DOCK3: variants seen among roughly 807,000 people sequenced by gnomAD.
DOCK3 encodes the protein dedicator of cytokinesis protein 3.
DOCK3 carries 60 observed loss-of-function variants against 265.6 expected under a neutral mutation model. The ratio of observed to expected loss-of-function variants is 0.23; its 90% CI spans 0.18 to 0.28. The LOEUF is 0.28. DOCK3 is among the 10% of genes least tolerant of loss of function. The pLI is 1.00. For missense variants in DOCK3, 1,981 were observed against 2,594.3 expected, an observed-to-expected ratio of 0.76 and a Z score of 5.14; for synonymous variants, 881 against 938.0, an observed-to-expected ratio of 0.94 and a Z score of 1.11.
intron 27 of DOCK3, among the ~76,000 whole-genome samples, chr3:51,289,614 G>A (rs4557148): frequency 0.84 from 127,789 of 151,992 alleles, 54,355 homozygotes; most frequent in Middle Eastern, 0.9. Context: ...ATCAAAAGAC[G>A]TGGAGTTCCT....
Position 51,277,023 on chromosome 3 carries a change from A to T in DOCK3, c.2677-585A>T, listed in dbSNP as rs528855519. Among the ~76,000 whole-genome samples, 3 of 152,302 alleles carry T rather than the reference A, an allele frequency of 2.0e-5. No homozygotes were observed. The South Asian group carries it at 6.2e-4, about 32-fold the overall frequency. On this transcript the variant is annotated intron_variant, in intron 25 of 52. Coordinates refer to ENST00000266037, the MANE Select transcript of DOCK3 (RefSeq NM_004947.5). ...TCCTTCAAATGGACCCTGTAACACG[A>T]GCAAGAGAGCTGAGGAGCTAGAAGT...
chr3:51,157,117 C>G (rs2085887111), intron 10 of DOCK3, among the ~76,000 whole-genome samples: 1 of 151,236 alleles, frequency 6.6e-6, no homozygotes, highest in African/African-American at 2.4e-5. Context: ...ACACAACTTT[C>G]ATGTAAAAAT....
intron 5 of DOCK3, among the ~76,000 whole-genome samples, chr3:50,993,334 TTAA>T (rs1295175064): frequency 1.3e-5 from 2 of 152,254 alleles, no homozygotes; most frequent in Non-Finnish European, 2.9e-5. Context: ...AAAATTTGGC[TTAA>T]TAATTCCTTG....
chr3:50,847,882 C>CAAAAAAAAAAAA, intron 3 of DOCK3, among the ~76,000 whole-genome samples: 1 of 97,610 alleles, frequency 1.0e-5, no homozygotes, highest in Non-Finnish European at 1.8e-5. Flanking sequence ...GGCTCCATTT[C>CAAAAAAAAAAAA]AAAAAAAAAA....
intron 1 of DOCK3, among the ~76,000 whole-genome samples, chr3:50,743,328 A>G (rs1209918291): frequency 6.6e-6 from 1 of 152,176 alleles, no homozygotes; most frequent in Non-Finnish European, 1.5e-5. Flanking sequence ...TACAGGATCA[A>G]ATTCACACAT....
chr3:50,683,563 CCA>C (rs2034561250), intron 1 of DOCK3, among the ~76,000 whole-genome samples: 1 of 152,134 alleles, frequency 6.6e-6, no homozygotes, highest in East Asian at 1.9e-4. Context: ...GCCAGCCGTA[CCA>C]CCTTTGTGAA....
In DOCK3 at chr3:51,079,787, C is replaced by T. The variant is rs572547825; in HGVS notation, c.549+4347C>T. ...AAATATAAAGTATTTCAAAAGACAC[C>T]ACAAACTATTTGTGTTAATCTTAGC... On this transcript the variant is annotated intron_variant, in intron 7 of 52. Coordinates refer to ENST00000266037, the MANE Select transcript of DOCK3 (RefSeq NM_004947.5). Among the ~76,000 whole-genome samples, 5 of 152,194 alleles carry T rather than the reference C, an allele frequency of 3.3e-5. No homozygotes were observed. The South Asian group carries it at 8.3e-4, about 25-fold the overall frequency.
At chr3:51,112,367 G>A (rs1005491436) in intron 9 of DOCK3, among the ~76,000 whole-genome samples, 1 of 152,170 alleles carries the variant, frequency 6.6e-6, no homozygotes, top group African/African-American at 2.4e-5. Flanking sequence ...TTTTGTTTAT[G>A]TAAAGTTCAA....
rs769498913 is a variant in DOCK3 at position 51,228,080 on chromosome 3, G to T, written c.1639G>T (p.Val547Leu). 6.2e-7 allele frequency: 1 copy of T among 1,613,978 alleles called. No homozygotes were observed. Among genetic ancestry groups the T allele is most frequent in the Admixed American group, 1.7e-5 (1 of 60,022 alleles). Residue 547 changes from valine (V) to leucine (L), a missense_variant, in exon 17 of 53, where the codon GTG (valine) becomes TTG (leucine). By Grantham distance (32) the Val-to-Leu change is conservative. Coordinates refer to ENST00000266037, the MANE Select transcript of DOCK3 (RefSeq NM_004947.5). ...TLSDDIHELY[V>L]YKCDENSTFN... ...CTCAGATGATATTCACGAGCTTTAT[G>T]TGTACAAGGTATGAAGCCTAGCTGC...
At chr3:50,784,827 G>A (rs1009767581) in intron 2 of DOCK3, among the ~76,000 whole-genome samples, 2 of 152,164 alleles carry the variant, frequency 1.3e-5, no homozygotes, top group African/African-American at 4.8e-5. Context: ...GGTGGCTGTT[G>A]GTGTGTAGCA....
intron 1 of DOCK3, among the ~76,000 whole-genome samples, chr3:50,728,608 G>GGAGA (rs2037985739): frequency 6.6e-6 from 1 of 152,024 alleles, no homozygotes; most frequent in African/African-American, 2.4e-5. Context: ...TGAAAGTAGG[G>GGAGA]GAGACATCAG....
At chr3:50,834,331 A>G (rs2045375529) in intron 2 of DOCK3, among the ~76,000 whole-genome samples, 1 of 152,170 alleles carries the variant, frequency 6.6e-6, no homozygotes, top group South Asian at 2.1e-4. Flanking sequence ...GGAAGCCCCT[A>G]TTAAAGCCAC....
Position 51,363,785 on chromosome 3 carries a change from C to T in DOCK3, c.5293+1111C>T, listed in dbSNP as rs538543553. On this transcript the variant is annotated intron_variant, in intron 49 of 52. Transcript: ENST00000266037. ...GTTTGCTCAGAATGATGGATTCCAGCTTCATCCATATCCCTACAAAGGACA... is the reference window on the plus strand; with the variant it reads ...GTTTGCTCAGAATGATGGATTCCAGTTTCATCCATATCCCTACAAAGGACA... Among the ~76,000 whole-genome samples, 3 of 152,290 alleles carry T rather than the reference C, an allele frequency of 2.0e-5. No homozygotes were observed. The East Asian group carries it at 5.8e-4, about 29-fold the overall frequency.
Position 51,338,349 on chromosome 3 carries a change from T to C in DOCK3, c.3612-10T>C. Reference sequence around the variant, plus strand: ...TCATATCTGGTGCTCATCTGTGCTCTCTCTTCCAGGGACTGCATGAAAGGA... The same window carrying C: ...TCATATCTGGTGCTCATCTGTGCTCCCTCTTCCAGGGACTGCATGAAAGGA... On this transcript the variant is annotated splice_polypyrimidine_tract_variant and intron_variant, in intron 35 of 52. Coordinates refer to ENST00000266037, the MANE Select transcript of DOCK3 (RefSeq NM_004947.5). 1 of 1,551,662 alleles carries C rather than the reference T, an allele frequency of 6.4e-7. No individual in the cohort carries two copies. The highest frequency in any genetic ancestry group is 1.2e-5 in the South Asian group (1 of 84,062).
chr3:51,147,595 G>A (rs1440073551), intron 10 of DOCK3, among the ~76,000 whole-genome samples: 1 of 152,118 alleles, frequency 6.6e-6, no homozygotes, highest in Non-Finnish European at 1.5e-5. Flanking sequence ...GCAGTGTTTG[G>A]TTTTCTGTCC....
intron 5 of DOCK3, among the ~76,000 whole-genome samples, chr3:51,011,937 C>T (rs1027753985): frequency 9.2e-5 from 14 of 152,136 alleles, no homozygotes; most frequent in African/African-American, 3.4e-4. Context: ...TCCAGAACAG[C>T]GAATATTGCT....
intron 12 of DOCK3, among the ~76,000 whole-genome samples, chr3:51,182,979 C>T (rs1576341557): frequency 6.6e-6 from 1 of 152,178 alleles, no homozygotes; most frequent in East Asian, 1.9e-4. Context: ...TTATACTAAT[C>T]CTGGCTCACA....
intron 2 of DOCK3, among the ~76,000 whole-genome samples, chr3:50,796,203 G>A (rs1214103474): frequency 4.6e-5 from 7 of 151,538 alleles, no homozygotes; most frequent in Admixed American, 3.9e-4. Flanking sequence ...ACCATGCCCA[G>A]CTAATTTTTT....
chr3:50,848,893 T>G (rs1454373206), intron 3 of DOCK3, among the ~76,000 whole-genome samples: 1 of 152,230 alleles, frequency 6.6e-6, no homozygotes, highest in South Asian at 2.1e-4. Flanking sequence ...TTTTCCAGAT[T>G]GTTTACCTTT....
Sources: gnomAD v4.1 joint callset for allele counts (sites outside exome capture counted in the v4.1 genomes callset) on GRCh38, gnomAD v4.1.1 for gene constraint, MANE v1.5 for transcripts, NCBI Gene and HGNC (gene_info 2026-07-23, HGNC 2026-07-21) for gene names.